MYLK4: variants seen among roughly 807,000 people sequenced by gnomAD.
The protein encoded by MYLK4 is caMLCK like.
A neutral mutation model predicts 48.1 loss-of-function variants in MYLK4; 46 were observed. The ratio of observed to expected loss-of-function variants is 0.96; its 90% CI spans 0.75 to 1.22. MYLK4 has a LOEUF of 1.22. Among genes scored for constraint, MYLK4 ranks in the 50% most tolerant of loss-of-function variants. The probability of loss-of-function intolerance (pLI) is 0.00; values close to 1 mark genes in which losing one functional copy is unlikely to be tolerated. For synonymous variants in MYLK4, 170 were observed against 180.8 expected (o/e 0.94, Z 0.48); for missense variants, 451 against 486.1 (o/e 0.93, Z 0.68).
At chr6:2,745,263 C>T (rs182461362) in intron 2 of MYLK4, among the ~76,000 whole-genome samples, 23 of 152,214 alleles carry the variant, frequency 1.5e-4, no homozygotes, top group African/African-American at 5.3e-4. Context: ...GGGGGAAATA[C>T]AACACGAGGG....
At chr6:2,762,641 T>G in the MYLK4 span, among the ~76,000 whole-genome samples, 1 of 152,252 alleles carries the variant, frequency 6.6e-6, no homozygotes, top group Non-Finnish European at 1.5e-5. Flanking sequence ...GCAATAATCC[T>G]TATGTGCTCG....
intron 2 of MYLK4, among the ~76,000 whole-genome samples, chr6:2,730,851 A>G (rs1763453431): frequency 6.6e-6 from 1 of 152,306 alleles, no homozygotes; most frequent in Middle Eastern, 3.4e-3. Flanking sequence ...GGGAGGTGTC[A>G]TGACTTTGAA....
chr6:2,770,332 T>C, the MYLK4 span: 1 of 1,614,118 alleles, frequency 6.2e-7, no homozygotes, highest in Non-Finnish European at 8.5e-7. Flanking sequence ...CCACTGACCC[T>C]CTGAGCCACA....
At chr6:2,766,065 C>T in the MYLK4 span, 133 of 1,293,498 alleles carry the variant, frequency 1.0e-4, no homozygotes, top group African/African-American at 1.8e-3. Context: ...GCCGCCGCCG[C>T]GGCGGGGAGC....
chr6:2,680,151 T>C (rs1761236069), intron 8 of MYLK4, 70 bp downstream of exon 8: 3 of 1,536,046 alleles, frequency 2.0e-6, no homozygotes, highest in Admixed American at 1.8e-5. Flanking sequence ...ATCAGATATA[T>C]GTTTGCAAAG....
chr6:2,710,072 C>A (rs1762620877), intron 2 of MYLK4, among the ~76,000 whole-genome samples: 2 of 152,044 alleles, frequency 1.3e-5, no homozygotes, highest in South Asian at 2.1e-4. Context: ...ATAAATAAAA[C>A]CCTTTTACAT....
chr6:2,705,904 C>A (rs1762468837), intron 2 of MYLK4, among the ~76,000 whole-genome samples: 1 of 122,438 alleles, frequency 8.2e-6, no homozygotes. Context: ...TTATGTAATC[C>A]ATTTGAATTC....
chr6:2,765,511 G>C, the MYLK4 span: 1 of 1,268,250 alleles, frequency 7.9e-7, no homozygotes, highest in Admixed American at 4.4e-5. Flanking sequence ...CGTCCTGCTG[G>C]TTCCCCGAGC....
chr6:2,768,644 C>T, the MYLK4 span: 1 of 1,523,702 alleles, frequency 6.6e-7, no homozygotes, highest in Non-Finnish European at 8.8e-7. Context: ...GCTGGTCTCT[C>T]TGTGTCTTAC....
At chr6:2,721,753 A>G (rs566045935) in intron 2 of MYLK4, among the ~76,000 whole-genome samples, 1 of 152,334 alleles carries the variant, frequency 6.6e-6, no homozygotes, top group South Asian at 2.1e-4. Context: ...ACTTTTCCCA[A>G]TACAAGGACA....
chr6:2,763,702 G>C, the MYLK4 span, among the ~76,000 whole-genome samples: 1 of 152,252 alleles, frequency 6.6e-6, no homozygotes, highest in Non-Finnish European at 1.5e-5. Context: ...GGCCCGCCCA[G>C]GAAAGAGCTC....
At chr6:2,697,631 G>A (rs1367936392) in intron 2 of MYLK4, among the ~76,000 whole-genome samples, 1 of 152,124 alleles carries the variant, frequency 6.6e-6, no homozygotes, top group Non-Finnish European at 1.5e-5. Flanking sequence ...GAACAACATC[G>A]TCTAATCCTT....
chr6:2,749,564 A>G (rs1383854156), intron 1 of MYLK4, among the ~76,000 whole-genome samples, 158 bp from the exon 2 acceptor site: 3 of 152,270 alleles, frequency 2.0e-5, no homozygotes, highest in Admixed American at 2.0e-4. Flanking sequence ...TGAGTTTCCA[A>G]CATTGGAACT....
chr6:2,765,182 A>ACCCCCCCCCC, the MYLK4 span, among the ~76,000 whole-genome samples: 112 of 72,910 alleles, frequency 1.5e-3, 19 homozygotes, highest in Non-Finnish European at 2.1e-3. Context: ...TCGCCTCGCA[A>ACCCCCCCCCC]CCCCCCCCCC....
chr6:2,699,287 C>CTTTTTTTTTTTTTTTT lies in MYLK4; in HGVS notation c.160-6444_160-6429dup, dbSNP rs56959282. Among the ~76,000 whole-genome samples the CTTTTTTTTTTTTTTTT allele has an allele frequency of 2.4e-3, 188 of 77,892 alleles. 11 individuals carry two copies. The highest frequency in any genetic ancestry group is 2.7e-3 in the Non-Finnish European group (123 of 45,612). 51.1% of individuals were successfully genotyped at this position (77,892 alleles called of 152,430 possible). A position where few individuals can be genotyped will look rare whatever the true frequency, so the allele number is the denominator to read the frequency against. ...CATGCTACCACTTTTCTTTTCTTTT[C>CTTTTTTTTTTTTTTTT]TTTTTTTTTTTTTTTTTTTTTTGAT... On this transcript the variant is annotated intron_variant, in intron 2 of 12. Coordinates refer to ENST00000274643, the MANE Select transcript of MYLK4 (RefSeq NM_001012418.5).
chr6:2,770,109 C>G, the MYLK4 span: 2 of 1,613,964 alleles, frequency 1.2e-6, no homozygotes, highest in Non-Finnish European at 1.7e-6. Context: ...CTGTTTTCCT[C>G]CCATGATTAG....
chr6:2,674,391 T>C (rs1294831097), intron 11 of MYLK4, among the ~76,000 whole-genome samples: 1 of 152,198 alleles, frequency 6.6e-6, no homozygotes, highest in Non-Finnish European at 1.5e-5. Context: ...ATATTTCTCC[T>C]GAATGAACAT....
intron 10 of MYLK4, among the ~76,000 whole-genome samples, chr6:2,677,971 C>G (rs951183704): frequency 1.3e-5 from 2 of 152,124 alleles, no homozygotes; most frequent in Non-Finnish European, 2.9e-5. Context: ...CAACTAAGGC[C>G]CAGCAGGAGT....
In MYLK4 at chr6:2,672,900, G is replaced by A. The variant is rs571625956; in HGVS notation, c.1120-1552C>T. ...TGCCCATTTTGTGCGTTGCTATGAGGAGTCAGTGAGTTATTTTTTGTAAAG... is the reference window on the plus strand; with the variant it reads ...TGCCCATTTTGTGCGTTGCTATGAGAAGTCAGTGAGTTATTTTTTGTAAAG... On this transcript the variant is annotated intron_variant, in intron 11 of 12. Coordinates refer to ENST00000274643, the MANE Select transcript of MYLK4 (RefSeq NM_001012418.5). The surrounding 1 kb of genome is among the most constrained non-coding windows in gnomAD (Gnocchi z 4.3). 6.6e-6 allele frequency among the ~76,000 whole-genome samples: 1 copy of A among 152,204 alleles called. No homozygotes were observed. The highest frequency in any genetic ancestry group is 1.5e-5 in the Non-Finnish European group (1 of 68,008).
Sources: allele counts gnomAD v4.1 joint callset (sites outside exome capture counted in the v4.1 genomes callset), GRCh38; gene constraint gnomAD v4.1.1; non-coding constraint Gnocchi (gnomAD v3.1); transcripts MANE v1.5; gene names NCBI Gene and HGNC (gene_info 2026-07-23, HGNC 2026-07-21).